The following TRPC4 variants were observed in gnomAD, a reference collection of about 807,000 sequenced individuals.
TRPC4 encodes the protein short transient receptor potential channel 4.
Under a neutral mutation model 99.4 loss-of-function variants are expected in TRPC4, and 49 were observed. The ratio of observed to expected loss-of-function variants is 0.49; its 90% CI spans 0.39 to 0.63. The LOEUF is 0.63. Among genes scored for constraint, TRPC4 ranks in the 20% least tolerant of loss-of-function variants. TRPC4 has a pLI of 0.00. For synonymous variants in TRPC4, 454 were observed against 425.9 expected, an observed-to-expected ratio of 1.07 and a Z score of -0.81; for missense variants, 898 against 1,152.9, an observed-to-expected ratio of 0.78 and a Z score of 3.20.
At chr13:37,688,580 T>C (rs1953571433) in intron 4 of TRPC4, among the ~76,000 whole-genome samples, 2 of 152,198 alleles carry the variant, frequency 1.3e-5, no homozygotes, top group South Asian at 4.1e-4. Context: ...GTCAAAAGTG[T>C]TTTGCTAGGA....
intron 4 of TRPC4, among the ~76,000 whole-genome samples, chr13:37,674,586 A>G (rs1333081250): frequency 1.3e-5 from 2 of 152,216 alleles, no homozygotes; most frequent in South Asian, 2.1e-4. Flanking sequence ...GGACAGCCTC[A>G]CTTTCTTTTA....
intron 3 of TRPC4, among the ~76,000 whole-genome samples, chr13:37,721,776 C>T (rs952497489): frequency 2.0e-5 from 3 of 151,834 alleles, no homozygotes; most frequent in Admixed American, 6.6e-5. Flanking sequence ...GATTTATAGG[C>T]GATTTTATTT....
chr13:37,651,988 A>G (rs1952060830), intron 7 of TRPC4, among the ~76,000 whole-genome samples: 2 of 152,246 alleles, frequency 1.3e-5, no homozygotes, highest in African/African-American at 4.8e-5. Context: ...AAGTTCCATT[A>G]ACAAATGTAG....
intron 1 of TRPC4, among the ~76,000 whole-genome samples, chr13:37,858,702 C>T (rs960369814): frequency 6.6e-6 from 1 of 151,354 alleles, no homozygotes; most frequent in South Asian, 2.1e-4. Context: ...ATTATATGTT[C>T]TTACTTATTT....
intron 4 of TRPC4, among the ~76,000 whole-genome samples, chr13:37,676,900 G>A (rs1414969601): frequency 6.7e-6 from 1 of 150,332 alleles, no homozygotes; most frequent in East Asian, 1.9e-4. Context: ...TAAAAATGAA[G>A]ATTTATGTCC....
chr13:37,632,402 C>T lies in TRPC4; in HGVS notation c.*4501G>A, dbSNP rs9576323. ...TGAGCTAGTTTACATTATTTTCATA[C>T]TGTCCTAGAAATCTGGTGTGTGTTT... On this transcript the variant is annotated 3_prime_UTR_variant, in exon 11 of 11. Coordinates refer to ENST00000379705, the MANE Select transcript of TRPC4 (RefSeq NM_016179.4). Among the ~76,000 whole-genome samples, 2 of 152,170 alleles carry T rather than the reference C, an allele frequency of 1.3e-5. No homozygotes were observed. The highest frequency in any genetic ancestry group is 2.9e-5 in the Non-Finnish European group (2 of 67,982).
At chr13:37,753,730 T>C (rs1198111059) in intron 2 of TRPC4, among the ~76,000 whole-genome samples, 1 of 152,130 alleles carries the variant, frequency 6.6e-6, no homozygotes, top group Non-Finnish European at 1.5e-5. Context: ...TCTGTTTCCC[T>C]AATGTTCACT....
intron 2 of TRPC4, among the ~76,000 whole-genome samples, chr13:37,750,711 C>T (rs140296331): frequency 0.011 from 1,731 of 152,138 alleles, 12 homozygotes; most frequent in Middle Eastern, 0.02. Context: ...AGGTTTGTTA[C>T]ATAGGTATAC....
chr13:37,793,430 T>TC lies in TRPC4; in HGVS notation c.-27-10071dup, dbSNP rs1566175721. Among the ~76,000 whole-genome samples, 9 of 116,632 alleles carry TC rather than the reference T, an allele frequency of 7.7e-5. 1 individual carries two copies. The South Asian group carries it at 2.3e-3, about 30-fold the overall frequency. The allele number at this position is 116,632 out of a possible 152,430, so 76.5% of individuals were successfully genotyped here. A position where few individuals can be genotyped will look rare whatever the true frequency, so the allele number is the denominator to read the frequency against. On this transcript the variant is annotated intron_variant, in intron 1 of 10. Coordinates refer to ENST00000379705, the MANE Select transcript of TRPC4 (RefSeq NM_016179.4). ...TAGGTATATCTCCTAATGCTATCCCTCCCCCCTCCCCCTACCCCACAACAG... is the reference window on the plus strand; with the variant it reads ...TAGGTATATCTCCTAATGCTATCCCTCCCCCCCTCCCCCTACCCCACAACAG...
chr13:37,806,392 T>C (rs1957531062), intron 1 of TRPC4, among the ~76,000 whole-genome samples: 1 of 152,094 alleles, frequency 6.6e-6, no homozygotes, highest in African/African-American at 2.4e-5. Flanking sequence ...CTCTTGATAG[T>C]ACTGTACAGA....
intron 1 of TRPC4, among the ~76,000 whole-genome samples, chr13:37,858,480 T>C (rs955119452): frequency 6.6e-6 from 1 of 151,676 alleles, no homozygotes; most frequent in Non-Finnish European, 1.5e-5. Context: ...CACTCCCATG[T>C]TTGTCTTAGT....
At chr13:37,736,913 T>G (rs1289847684) in intron 3 of TRPC4, among the ~76,000 whole-genome samples, 3 of 147,768 alleles carry the variant, frequency 2.0e-5, no homozygotes, top group Non-Finnish European at 3.0e-5. Flanking sequence ...TTTTTTTTTT[T>G]GTAGAGACAA....
At chr13:37,739,748 C>A (rs1185707878) in intron 3 of TRPC4, among the ~76,000 whole-genome samples, 1 of 151,966 alleles carries the variant, frequency 6.6e-6, no homozygotes, top group African/African-American at 2.4e-5. Flanking sequence ...TTGTGACCTG[C>A]CTGCCTCGGC....
chr13:37,674,495 AT>A, intron 4 of TRPC4, 128 bp from the exon 5 acceptor site: 1 of 984,806 alleles, frequency 1.0e-6, no homozygotes, highest in Non-Finnish European at 1.5e-6. Context: ...TGCAACATCT[AT>A]TTTTTACAGG....
intron 2 of TRPC4, among the ~76,000 whole-genome samples, chr13:37,763,470 A>G (rs1022301725): frequency 1.3e-5 from 2 of 151,566 alleles, no homozygotes; most frequent in Non-Finnish European, 3.0e-5. Flanking sequence ...TAGAAAAAAA[A>G]TGAATGAATC....
chr13:37,813,873 A>G (rs1338968229), intron 1 of TRPC4, among the ~76,000 whole-genome samples: 1 of 151,874 alleles, frequency 6.6e-6, no homozygotes, highest in Non-Finnish European at 1.5e-5. Context: ...CCAAATACAA[A>G]GACATTACAA....
At chr13:37,808,008 C>T (rs547377391) in intron 1 of TRPC4, among the ~76,000 whole-genome samples, 1 of 152,016 alleles carries the variant, frequency 6.6e-6, no homozygotes, top group Non-Finnish European at 1.5e-5. Context: ...TACTAAAAGG[C>T]CTTGTTCCTC....
intron 1 of TRPC4, among the ~76,000 whole-genome samples, chr13:37,793,175 G>A (rs145165912): frequency 2.6e-5 from 4 of 152,202 alleles, no homozygotes; most frequent in South Asian, 2.1e-4. Context: ...ATTAAAGCAC[G>A]TAAAATGATA....
At chr13:37,668,132 A>G (rs2138722779) in intron 5 of TRPC4, among the ~76,000 whole-genome samples, 1 of 152,326 alleles carries the variant, frequency 6.6e-6, no homozygotes, top group South Asian at 2.1e-4. Flanking sequence ...TTAGGAAGAA[A>G]TCAAGAACTA....
Sources: gnomAD v4.1 joint callset for allele counts (sites outside exome capture counted in the v4.1 genomes callset) on GRCh38, gnomAD v4.1.1 for gene constraint, MANE v1.5 for transcripts, NCBI Gene and HGNC (gene_info 2026-07-23, HGNC 2026-07-21) for gene names.